Variants in ACLY observed in about 807,000 individuals in gnomAD.
ACLY encodes the protein ATP-citrate synthase.
A neutral mutation model predicts 133.0 loss-of-function variants in ACLY; 41 were observed. The observed-to-expected ratio is 0.31, with a 90% CI of 0.24 to 0.40. The LOEUF (loss-of-function observed/expected upper bound fraction) is 0.40. Ranked by LOEUF, ACLY falls within the 10% of genes least tolerant of loss-of-function variation. ACLY has a pLI of 1.00. For synonymous variants in ACLY, 495 were observed against 549.3 expected (o/e 0.90, Z 1.38); for missense variants, 1,046 against 1,453.8 (o/e 0.72, Z 4.56).
intron 11 of ACLY, among the ~76,000 whole-genome samples, chr17:41,901,237 T>C (rs1056610792): frequency 1.3e-5 from 2 of 152,034 alleles, no homozygotes; most frequent in African/African-American, 4.8e-5. Flanking sequence ...ATGAGCCACC[T>C]GTGCCCAGCC....
rs1456416362 is a variant in ACLY, at chr17:41,867,351, GAAGA to G, written c.*455_*458del. 3.5e-5 allele frequency: 5 copies of G among 144,134 alleles called. No homozygotes were observed. Among genetic ancestry groups the G allele is most frequent in the African/African-American group, 1.0e-4 (4 of 38,374 alleles). 8.9% of individuals were successfully genotyped at this position (144,134 alleles called of 1,614,324 possible). ...AATGTTCTTCATGTTATATAAGGAAGAAGAAAGGGAAGTAAAAAAAAAAAAAGAG... is the reference window on the plus strand; with the variant it reads ...AATGTTCTTCATGTTATATAAGGAAGAAGGGAAGTAAAAAAAAAAAAAGAG... On this transcript the variant is annotated 3_prime_UTR_variant, in exon 29 of 29. Coordinates refer to ENST00000352035, the MANE Select transcript of ACLY (RefSeq NM_001096.3).
At chr17:41,901,599 C>CT in intron 11 of ACLY, 97 bp downstream of exon 11, 1 of 1,034,198 alleles carries the variant, frequency 9.7e-7, no homozygotes, top group Non-Finnish European at 1.5e-6. Flanking sequence ...GAGTAGAGAG[C>CT]AAAAGAGCCT....
At position 41,886,456 on chromosome 17, in the gene ACLY, C is replaced by A. The variant is rs2049049927; in HGVS notation, c.1876-148G>T. The stretch of plus-strand genomic sequence containing the variant: ...GAAATCACACTTGCCCACTGGGTTT[C>A]CTGCTTAGGAAAGTCTCCTCTCTCT... On this transcript the variant is annotated intron_variant, in intron 17 of 28. Coordinates refer to ENST00000352035, the MANE Select transcript of ACLY (RefSeq NM_001096.3). The A allele has an allele frequency of 5.2e-6, 4 of 762,320 alleles. No homozygotes were observed. The South Asian group carries it at 7.6e-5, about 14-fold the overall frequency. 47.2% of individuals were successfully genotyped at this position (762,320 alleles called of 1,614,324 possible). A position where few individuals can be genotyped will look rare whatever the true frequency, so the allele number is the denominator to read the frequency against.
intron 1 of ACLY, among the ~76,000 whole-genome samples, chr17:41,915,321 A>C (rs2144421650): frequency 6.6e-6 from 1 of 152,296 alleles, no homozygotes; most frequent in Non-Finnish European, 1.5e-5. Context: ...CAAAGCCCAG[A>C]AGCAAAGCTG....
intron 11 of ACLY, among the ~76,000 whole-genome samples, chr17:41,899,694 C>A (rs1555631173): frequency 6.6e-6 from 1 of 152,134 alleles, no homozygotes; most frequent in South Asian, 2.1e-4. Flanking sequence ...CTGGTAACTT[C>A]ACTGTGCTGT....
intron 10 of ACLY, among the ~76,000 whole-genome samples, chr17:41,903,838 G>A (rs547906173): frequency 7.3e-5 from 11 of 151,024 alleles, no homozygotes; most frequent in South Asian, 2.1e-4. Flanking sequence ...AAGGAGGATC[G>A]GTTGGGCATG....
intron 17 of ACLY, 101 bp from the exon 18 acceptor site, chr17:41,886,409 G>T: frequency 8.3e-7 from 1 of 1,211,476 alleles, no homozygotes; most frequent in Non-Finnish European, 1.1e-6. Context: ...TTCTGGCCAG[G>T]CTGGGGAGAG....
intron 1 of ACLY, among the ~76,000 whole-genome samples, chr17:41,916,979 C>T (rs1323867011): frequency 1.3e-5 from 2 of 151,460 alleles, no homozygotes; most frequent in African/African-American, 4.8e-5. Flanking sequence ...CCTGTTTCTA[C>T]TAAAAATACA....
chr17:41,875,359 A>AAG (rs2048708862), intron 22 of ACLY, among the ~76,000 whole-genome samples: 1 of 150,492 alleles, frequency 6.6e-6, no homozygotes, highest in South Asian at 2.1e-4. Flanking sequence ...TCAAAAAAAA[A>AAG]AAAAAAGGGG....
chr17:41,918,971 T>C, upstream of ACLY: 1 of 1,288,652 alleles, frequency 7.8e-7, no homozygotes, highest in Non-Finnish European at 1.0e-6. Context: ...CTTCCCGGGA[T>C]CCGGCTTTTG....
intron 20 of ACLY, among the ~76,000 whole-genome samples, chr17:41,882,524 A>C (rs2048945899): frequency 6.6e-6 from 1 of 151,976 alleles, no homozygotes; most frequent in Admixed American, 6.6e-5. Flanking sequence ...GGGTTCTCTA[A>C]GCCGAAGCAC....
intron 23 of ACLY, 78 bp from the exon 24 acceptor site, chr17:41,872,260 C>T (rs1555625283): frequency 1.4e-6 from 2 of 1,421,538 alleles, no homozygotes; most frequent in Non-Finnish European, 1.9e-6. Flanking sequence ...CTAAACAAGT[C>T]ATTCAAATCC....
At chr17:41,900,175 AC>A (rs2049495654) in intron 11 of ACLY, among the ~76,000 whole-genome samples, 1 of 151,340 alleles carries the variant, frequency 6.6e-6, no homozygotes, top group Non-Finnish European at 1.5e-5. Flanking sequence ...CCTGGCTAAC[AC>A]GGTGAAACCC....
Position 41,886,194 on chromosome 17 carries a change from C to T in ACLY, c.1990G>A (p.Gly664Arg), listed in dbSNP as rs1286816033. ...TTGTTGAGCTCGTTGGACATGCCTC[C>T]GGAACGTGAGACATAGGCCACGCTG... ...PGSVAYVSRS[G>R]GMSNELNNII... The change falls in exon 18 of 29, where the codon GGA (glycine) becomes AGA (arginine). Residue 664 changes from glycine to arginine, a missense_variant. By Grantham distance (125) the Gly-to-Arg change is moderately radical. Around this residue, in one of 4 missense-constraint regions of ACLY, gnomAD observed 575 missense variants for 804.2 expected, o/e 0.71. Coordinates refer to ENST00000352035, the MANE Select transcript of ACLY (RefSeq NM_001096.3). 3.7e-6 allele frequency: 6 copies of T among 1,614,034 alleles called. No homozygotes were observed. The Admixed American group carries it at 5.0e-5, about 13-fold the overall frequency.
In ACLY at chr17:41,874,066, G is replaced by A. The variant is rs938910731; in HGVS notation, c.2488-101C>T. 3.2e-6 allele frequency: 4 copies of A among 1,244,336 alleles called. No individual in the cohort carries two copies. In the African/African-American group the frequency reaches 6.2e-5, roughly 19 times the overall value. The allele number at this position is 1,244,336 out of a possible 1,614,324, so 77.1% of individuals were successfully genotyped here. A position where few individuals can be genotyped will look rare whatever the true frequency, so the allele number is the denominator to read the frequency against. On this transcript the variant is annotated intron_variant, in intron 22 of 28. Coordinates refer to ENST00000352035, the MANE Select transcript of ACLY (RefSeq NM_001096.3). Reference sequence around the variant, plus strand: ...GTACTCTCAGAACCAAAGCACCCCAGGAATGTCGTAAACTCTGGCAGCCAA... The same window carrying A: ...GTACTCTCAGAACCAAAGCACCCCAAGAATGTCGTAAACTCTGGCAGCCAA...
intron 6 of ACLY, 134 bp downstream of exon 6, chr17:41,908,855 G>A (rs1227075541): frequency 2.8e-6 from 2 of 723,010 alleles, no homozygotes; most frequent in East Asian, 2.7e-5. Flanking sequence ...ACCTGCATGG[G>A]GACCCCTCTG....
Position 41,869,139 on chromosome 17 carries a change from A to C in ACLY, c.3052-14T>G. 6.3e-7 allele frequency: 1 copy of C among 1,598,902 alleles called. No homozygotes were observed. Among genetic ancestry groups the C allele is most frequent in the Non-Finnish European group, 8.5e-7 (1 of 1,170,134 alleles). ...AAGATTTGGCTTCTGGGAAGGCAAAAAAATTCAAAGCATTTATCATTATTT... is the reference window on the plus strand; with the variant it reads ...AAGATTTGGCTTCTGGGAAGGCAAACAAATTCAAAGCATTTATCATTATTT... On this transcript the variant is annotated splice_polypyrimidine_tract_variant and intron_variant, in intron 26 of 28. Coordinates refer to ENST00000352035, the MANE Select transcript of ACLY (RefSeq NM_001096.3).
intron 14 of ACLY, among the ~76,000 whole-genome samples, chr17:41,895,476 C>A (rs1473495077): frequency 6.6e-6 from 1 of 152,210 alleles, no homozygotes; most frequent in Non-Finnish European, 1.5e-5. Flanking sequence ...CCAGAGAGAA[C>A]CTCTGTGCCA....
At chr17:41,892,590 C>T (rs1567898486) in intron 15 of ACLY, 143 bp from the exon 16 acceptor site, 1 of 726,544 alleles carries the variant, frequency 1.4e-6, no homozygotes, top group Non-Finnish European at 2.2e-6. Flanking sequence ...GGACAAAGAT[C>T]CCCCAGGAAT....
Sources: gnomAD v4.1 joint callset for allele counts (sites outside exome capture counted in the v4.1 genomes callset) on GRCh38, gnomAD v4.1.1 for gene constraint, gnomAD v4.1.1 regional missense constraint, MANE v1.5 for transcripts, NCBI Gene and HGNC (gene_info 2026-07-23, HGNC 2026-07-21) for gene names.